Variants in KLHL7 observed in about 807,000 individuals in gnomAD.
KLHL7 encodes the protein kelch like family member 7, also known as kelch-like protein 7.
KLHL7 carries 44 observed loss-of-function variants against 67.4 expected under a neutral mutation model. The observed-to-expected ratio is 0.65, with a 90% CI of 0.51 to 0.84. The LOEUF (loss-of-function observed/expected upper bound fraction) is 0.84. KLHL7 is among the 40% of genes least tolerant of loss of function. The pLI is 0.00. For missense variants in KLHL7, 362 were observed against 718.1 expected (o/e 0.50, Z 5.67); for synonymous variants, 252 against 243.3 (o/e 1.04, Z -0.33).
chr7:23,169,914 A>G (rs1287080334), intron 9 of KLHL7, among the ~76,000 whole-genome samples: 1 of 152,184 alleles, frequency 6.6e-6, no homozygotes, highest in Non-Finnish European at 1.5e-5. Flanking sequence ...ATTTCCTTTT[A>G]AAAATGTTAC....
At chr7:23,164,744 C>T (rs1784949816) in intron 7 of KLHL7, among the ~76,000 whole-genome samples, 1 of 152,184 alleles carries the variant, frequency 6.6e-6, no homozygotes, top group Non-Finnish European at 1.5e-5. Flanking sequence ...TTCTGTGATA[C>T]TTTAATCCAA....
At chr7:23,133,671 C>G (rs968785142) in intron 4 of KLHL7, among the ~76,000 whole-genome samples, 1 of 152,006 alleles carries the variant, frequency 6.6e-6, no homozygotes, top group Non-Finnish European at 1.5e-5. Context: ...TGACCTCAGG[C>G]GATCCGCCCG....
chr7:23,143,916 T>A lies in KLHL7; in HGVS notation c.684T>A (p.Asp228Glu). 1 of 1,614,156 alleles carries A rather than the reference T, an allele frequency of 6.2e-7. No individual in the cohort carries two copies. Among genetic ancestry groups the A allele is most frequent in the Middle Eastern group, 1.6e-4 (1 of 6,062 alleles). The change falls in exon 6 of 11, where the codon GAT (aspartate) becomes GAA (glutamate). Residue 228 changes from aspartate to glutamate, a missense_variant. Physicochemically the swap from Asp to Glu is conservative, Grantham distance 45 (BLOSUM62 2). Around this residue, in one of 5 missense-constraint regions of KLHL7, gnomAD observed 155 missense variants for 280.8 expected, o/e 0.55. Transcript: ENST00000339077. ...DEPNRQPFMV[D>E]ILAKVRFPLI... The stretch of plus-strand genomic sequence containing the variant: ...CTAATCGCCAGCCATTTATGGTTGA[T>A]ATCCTTGCTAAAGTCAGGTTTCCTC...
intron 1 of KLHL7, chr7:23,106,390 C>T (rs1262127696): frequency 9.7e-6 from 13 of 1,347,130 alleles, no homozygotes; most frequent in South Asian, 6.1e-5. Context: ...TGGGGGACTC[C>T]TCAGGCTGGC....
chr7:23,160,577 G>C (rs1784828987), intron 7 of KLHL7, among the ~76,000 whole-genome samples: 1 of 152,148 alleles, frequency 6.6e-6, no homozygotes, highest in Non-Finnish European at 1.5e-5. Flanking sequence ...ATGCCCATTT[G>C]TATATTGTTT....
At position 23,165,877 on chromosome 7, in the gene KLHL7, A is replaced by G. The variant is rs975643713; in HGVS notation, c.1116A>G (p.Arg372=). The G allele has an allele frequency of 2.5e-6, 4 of 1,614,224 alleles. No homozygotes were observed. The highest frequency in any genetic ancestry group is 1.6e-4 in the Middle Eastern group (1 of 6,062). The change falls in exon 8 of 11, where the codon CGA becomes CGG. Residue 372 remains arginine, a synonymous_variant. Coordinates refer to ENST00000339077, the MANE Select transcript of KLHL7 (RefSeq NM_001031710.3). The part of the protein sequence containing the change: ...WYSKLGPPTP[R]DSLAACAAEG... The stretch of plus-strand genomic sequence containing the variant: ...CGAAACTGGGTCCTCCGACACCTCG[A>G]GACAGCCTTGCTGCATGTGCTGCAG...
intron 1 of KLHL7, among the ~76,000 whole-genome samples, chr7:23,123,546 C>T (rs1026763672): frequency 2.0e-5 from 3 of 150,662 alleles, no homozygotes; most frequent in Non-Finnish European, 3.0e-5. Flanking sequence ...TTATGAGGAA[C>T]TTTTTCTTTC....
rs764099721 is a variant in KLHL7 at position 23,152,247 on chromosome 7, T to A, written c.936+38T>A. The A allele has an allele frequency of 1.9e-6, 3 of 1,586,212 alleles. No homozygotes were observed. The South Asian group carries it at 3.3e-5, about 18-fold the overall frequency. On this transcript the variant is annotated intron_variant, in intron 7 of 10. Transcript: ENST00000339077. ...TATTCTTGGTTTTTGTTGTTGTCTT[T>A]GAAATCACTGAACACATAAGACACT... is the stretch of plus-strand genomic sequence containing the variant.
At chr7:23,155,217 C>T (rs1784663566) in intron 7 of KLHL7, among the ~76,000 whole-genome samples, 1 of 152,054 alleles carries the variant, frequency 6.6e-6, no homozygotes, top group Admixed American at 6.6e-5. Flanking sequence ...AATTCATGGC[C>T]TGTGTGCTAT....
intron 1 of KLHL7, chr7:23,117,878 T>C (rs1443032283): frequency 2.5e-6 from 4 of 1,613,930 alleles, no homozygotes; most frequent in Non-Finnish European, 3.4e-6. Context: ...TACAATCTGC[T>C]CAGGGATTTA....
At chr7:23,151,163 T>TGTTTTG (rs369381084) in intron 6 of KLHL7, among the ~76,000 whole-genome samples, 6 of 146,214 alleles carry the variant, frequency 4.1e-5, no homozygotes, top group African/African-American at 1.0e-4. Flanking sequence ...TTTTGTTTTT[T>TGTTTTG]TTTTTTTCTT....
rs75076913 is a variant in KLHL7 at position 23,105,792 on chromosome 7, G to T, written c.-235G>T. ...GGCTCCTGGGCAGGGCTCGGGTTCT[G>T]CCCGGGGACGCAGCCCAGTTGGTAG... On this transcript the variant is annotated 5_prime_UTR_variant, in exon 1 of 11. Transcript: ENST00000339077. 3,926 of 566,934 alleles carry T rather than the reference G, an allele frequency of 6.9e-3. 156 individuals are homozygous for T. The East Asian group carries it at 0.088, about 13-fold the overall frequency. The allele number at this position is 566,934 out of a possible 1,614,324, so 35.1% of individuals were successfully genotyped here.
intron 4 of KLHL7, chr7:23,129,326 C>A: frequency 3.0e-6 from 1 of 333,880 alleles, no homozygotes. Context: ...TGCTACAGGG[C>A]ACATAAATTG....
At chr7:23,137,577 C>T (rs908392243) in intron 4 of KLHL7, among the ~76,000 whole-genome samples, 13 of 150,810 alleles carry the variant, frequency 8.6e-5, no homozygotes, top group Admixed American at 8.6e-4. Context: ...CTCCCAGGCT[C>T]AAGTGGTCCT....
Position 23,124,777 on chromosome 7 carries a change from G to C in KLHL7, c.313G>C (p.Ala105Pro), listed in dbSNP as rs1783501144. Residue 105 changes from alanine (A) to proline (P), a missense_variant, in exon 3 of 11, where the codon GCT becomes CCT. Ala to Pro is a conservative substitution (Grantham distance 27). Around this residue, in one of 5 missense-constraint regions of KLHL7, gnomAD observed 155 missense variants for 280.8 expected, o/e 0.55. Transcript: ENST00000339077. ...IEQLVEFAYTARISVNSNNVQ... is the reference protein window; with the variant it reads ...IEQLVEFAYTPRISVNSNNVQ... The stretch of plus-strand genomic sequence containing the variant: ...ACAACTGGTGGAATTTGCTTATACT[G>C]CTAGGTGAGTTAAGTATTATTTTTA... 1 of 1,576,610 alleles carries C rather than the reference G, an allele frequency of 6.3e-7. No homozygotes were observed. The highest frequency in any genetic ancestry group is 8.7e-7 in the Non-Finnish European group (1 of 1,145,900).
chr7:23,133,085 G>C (rs1783858374), intron 4 of KLHL7, among the ~76,000 whole-genome samples: 1 of 152,114 alleles, frequency 6.6e-6, no homozygotes, highest in African/African-American at 2.4e-5. Context: ...GATTTCTCCA[G>C]TTTCATTCTT....
At chr7:23,144,105 G>A (rs895465349) in intron 6 of KLHL7, 80 bp downstream of exon 6, 51 of 1,180,330 alleles carry the variant, frequency 4.3e-5, no homozygotes, top group Non-Finnish European at 6.1e-5. Flanking sequence ...GAATGGATTA[G>A]ACTCAGTAGC....
chr7:23,156,116 G>C, intron 7 of KLHL7: 1 of 352,150 alleles, frequency 2.8e-6, no homozygotes, highest in Non-Finnish European at 5.7e-6. Context: ...AAAATTTATG[G>C]GAAAATTTAA....
chr7:23,125,885 A>G (rs1462145832), intron 4 of KLHL7: 1 of 1,545,216 alleles, frequency 6.5e-7, no homozygotes, highest in Non-Finnish European at 8.7e-7. Flanking sequence ...TATCTGCAGG[A>G]TACGTTCCAA....
Sources: gnomAD v4.1 joint callset for allele counts (sites outside exome capture counted in the v4.1 genomes callset) on GRCh38, gnomAD v4.1.1 for gene constraint, gnomAD v4.1.1 regional missense constraint, MANE v1.5 for transcripts, NCBI Gene and HGNC (gene_info 2026-07-23, HGNC 2026-07-21) for gene names.